The following NR5A2 variants were observed in gnomAD, a reference collection of about 807,000 sequenced individuals.
The protein encoded by NR5A2 is nuclear receptor subfamily 5 group A member 2.
NR5A2 carries 26 observed loss-of-function variants against 62.7 expected under a neutral mutation model. The observed-to-expected ratio is 0.41, with a 90% confidence interval of 0.30 to 0.58. The LOEUF is 0.58. Among genes scored for constraint, NR5A2 ranks in the 20% least tolerant of loss-of-function variants. The pLI is 0.22. For synonymous variants in NR5A2, 246 were observed against 241.7 expected (o/e 1.02, Z -0.16); for missense variants, 541 against 669.1 (o/e 0.81, Z 2.11).
intron 5 of NR5A2, among the ~76,000 whole-genome samples, chr1:200,087,456 G>A (rs1413357141): frequency 1.3e-5 from 2 of 152,000 alleles, no homozygotes; most frequent in Non-Finnish European, 2.9e-5. Flanking sequence ...GTACGGTGGT[G>A]TGATCTTGGC....
At chr1:200,114,191 T>A (rs112027233) in intron 6 of NR5A2, among the ~76,000 whole-genome samples, 65,912 of 151,494 alleles carry the variant, frequency 0.44, 14,743 homozygotes, top group East Asian at 0.68. Flanking sequence ...TCAAAAAAAA[T>A]AATAGAAAAG....
chr1:200,056,767 C>T (rs1354821171), intron 5 of NR5A2, among the ~76,000 whole-genome samples: 1 of 152,082 alleles, frequency 6.6e-6, no homozygotes, highest in African/African-American at 2.4e-5. Context: ...GTCTTATGAG[C>T]GTCCTGTTCG....
intron 5 of NR5A2, chr1:200,057,688 A>G: frequency 6.4e-6 from 2 of 313,456 alleles, no homozygotes; most frequent in Non-Finnish European, 1.3e-5. Flanking sequence ...CATGTTGGCC[A>G]GGCTGGTCTC....
intron 5 of NR5A2, among the ~76,000 whole-genome samples, chr1:200,062,772 G>A (rs568130234): frequency 6.6e-6 from 1 of 152,240 alleles, no homozygotes; most frequent in East Asian, 1.9e-4. Context: ...TGAAAGAAAA[G>A]CTCTACTGCT....
intron 5 of NR5A2, among the ~76,000 whole-genome samples, chr1:200,070,282 A>G (rs1378103812): frequency 2.0e-5 from 3 of 152,164 alleles, no homozygotes; most frequent in Non-Finnish European, 4.4e-5. Flanking sequence ...GGTTTGAGGA[A>G]TAGTTAAGGC....
chr1:200,101,255 T>C (rs1263782623), intron 5 of NR5A2, among the ~76,000 whole-genome samples: 3 of 152,334 alleles, frequency 2.0e-5, no homozygotes, highest in Non-Finnish European at 2.9e-5. Context: ...CTAGGTGTTA[T>C]ATTCATTCAA....
At chr1:200,102,606 ACT>A (rs1428411427) in intron 5 of NR5A2, among the ~76,000 whole-genome samples, 3 of 151,476 alleles carry the variant, frequency 2.0e-5, no homozygotes, top group East Asian at 3.9e-4. Flanking sequence ...CAGCCACTAA[ACT>A]CCACCCCTAC....
At chr1:200,163,291 GAAAAGAAA>G (rs1006980001) in intron 7 of NR5A2, among the ~76,000 whole-genome samples, 2 of 147,018 alleles carry the variant, frequency 1.4e-5, no homozygotes, top group Non-Finnish European at 3.0e-5. Context: ...GAAGAAGAAA[GAAAAGAAA>G]AAAAGAAAAA....
At chr1:200,132,732 T>C (rs1236286102) in intron 7 of NR5A2, among the ~76,000 whole-genome samples, 1 of 152,184 alleles carries the variant, frequency 6.6e-6, no homozygotes, top group Non-Finnish European at 1.5e-5. Context: ...TGATGTTTCT[T>C]GCTGCTTTAG....
At chr1:200,042,742 C>T (rs908934157) in intron 2 of NR5A2, 1 of 847,162 alleles carries the variant, frequency 1.2e-6, no homozygotes, top group South Asian at 5.4e-5. Flanking sequence ...CGCTCCCATA[C>T]TTGACCTGTG....
chr1:200,165,792 T>C (rs1653873535), intron 7 of NR5A2, among the ~76,000 whole-genome samples: 7 of 152,230 alleles, frequency 4.6e-5, no homozygotes, highest in Admixed American at 4.6e-4. Flanking sequence ...CAATTATGAA[T>C]AAAGCTGCTA....
chr1:200,130,757 C>G (rs565259034), intron 7 of NR5A2, among the ~76,000 whole-genome samples: 120 of 152,258 alleles, frequency 7.9e-4, no homozygotes, highest in African/African-American at 2.5e-3. Flanking sequence ...TGCTGGCTTC[C>G]TCTAAATATG....
At chr1:200,127,692 AAAAAAAAAAAAAAAAAAATATATAT>A (rs1666770584) in intron 7 of NR5A2, among the ~76,000 whole-genome samples, 1 of 95,762 alleles carries the variant, frequency 1.0e-5, no homozygotes, top group Non-Finnish European at 2.2e-5. Context: ...AAAAAAAAAA[AAAAAAAAAAAAAAAAAAATATATAT>A]ATATATATAT....
intron 1 of NR5A2, chr1:200,038,627 A>G (rs1661894336): frequency 9.7e-6 from 10 of 1,027,106 alleles, no homozygotes; most frequent in South Asian, 2.5e-5. Context: ...AACTCCCTTC[A>G]TCTCCTCATC....
At chr1:200,138,855 C>T (rs981001818) in intron 7 of NR5A2, among the ~76,000 whole-genome samples, 1 of 152,106 alleles carries the variant, frequency 6.6e-6, no homozygotes, top group Non-Finnish European at 1.5e-5. Flanking sequence ...AGTCCCTCCA[C>T]CTTTTATTTC....
rs922039658 is a variant in NR5A2, at chr1:200,075,021, T to C, written c.1110+26203T>C. 3.3e-5 allele frequency among the ~76,000 whole-genome samples: 5 copies of C among 152,284 alleles called. No homozygotes were observed. In the East Asian group the frequency reaches 9.6e-4, roughly 29 times the overall value. Reference sequence around the variant, plus strand: ...TGTATTCTGGTGAAAGATTGTCCTCTAGGAAAAATAAGTCTTAGAATTATT... The same window carrying C: ...TGTATTCTGGTGAAAGATTGTCCTCCAGGAAAAATAAGTCTTAGAATTATT... On this transcript the variant is annotated intron_variant, in intron 5 of 7. Coordinates refer to ENST00000367362, the MANE Select transcript of NR5A2 (RefSeq NM_205860.3).
Position 200,111,106 on chromosome 1 carries a change from T to C in NR5A2, c.1111-96T>C, listed in dbSNP as rs764105265. On this transcript the variant is annotated intron_variant, in intron 5 of 7. Coordinates refer to ENST00000367362, the MANE Select transcript of NR5A2 (RefSeq NM_205860.3). ...TGGAGACTTTCTTGTTTATATGTAG[T>C]CCTCTTATGTTGAAAATTACACAAA... is the stretch of plus-strand genomic sequence containing the variant. The C allele has an allele frequency of 2.7e-4, 375 of 1,400,808 alleles. 1 individual carries two copies. Among genetic ancestry groups the C allele is most frequent in the Middle Eastern group, 2.2e-4 (1 of 4,602 alleles). The allele number at this position is 1,400,808 out of a possible 1,614,324, so 86.8% of individuals were successfully genotyped here. A position where few individuals can be genotyped will look rare whatever the true frequency, so the allele number is the denominator to read the frequency against.
At position 200,048,949 on chromosome 1, in the gene NR5A2, A is replaced by G; in HGVS notation, c.1110+131A>G. The G allele has an allele frequency of 8.5e-7, 1 of 1,173,358 alleles. No individual in the cohort carries two copies. Among genetic ancestry groups the G allele is most frequent in the Non-Finnish European group, 1.2e-6 (1 of 838,074 alleles). 72.7% of individuals were successfully genotyped at this position (1,173,358 alleles called of 1,614,324 possible). On this transcript the variant is annotated intron_variant, in intron 5 of 7. Coordinates refer to ENST00000367362, the MANE Select transcript of NR5A2 (RefSeq NM_205860.3). This position sits in a 1 kb window ranked among gnomAD's most constrained non-coding sequence, Gnocchi z 4.8. Reference sequence around the variant, plus strand: ...CTACTTTGTATGATTTACAGAGTAGACGTAATTTTATTACCTTGACTTCAG... The same window carrying G: ...CTACTTTGTATGATTTACAGAGTAGGCGTAATTTTATTACCTTGACTTCAG...
intron 5 of NR5A2, among the ~76,000 whole-genome samples, chr1:200,065,787 C>G (rs1167640576): frequency 2.0e-5 from 3 of 152,126 alleles, no homozygotes; most frequent in Non-Finnish European, 4.4e-5. Context: ...GACATTTCAG[C>G]TGAAATCCAA....
Sources: allele counts gnomAD v4.1 joint callset (sites outside exome capture counted in the v4.1 genomes callset), GRCh38; gene constraint gnomAD v4.1.1; non-coding constraint Gnocchi (gnomAD v3.1); transcripts MANE v1.5; gene names NCBI Gene and HGNC (gene_info 2026-07-23, HGNC 2026-07-21).